Variants in GRIK2 observed in about 807,000 individuals in gnomAD.
GRIK2 encodes the protein glutamate ionotropic receptor kainate type subunit 2.
A neutral mutation model predicts 100.3 loss-of-function variants in GRIK2; 32 were observed. The ratio of observed to expected loss-of-function variants is 0.32; its 90% CI spans 0.24 to 0.43. GRIK2 has a LOEUF of 0.43. Ranked by LOEUF, GRIK2 falls within the 20% of genes least tolerant of loss-of-function variation. The probability of loss-of-function intolerance (pLI) is 1.00; values close to 1 mark genes in which losing one functional copy is unlikely to be tolerated. For synonymous variants in GRIK2, 417 were observed against 389.4 expected, an observed-to-expected ratio of 1.07 and a Z score of -0.83; for missense variants, 843 against 1,114.9, an observed-to-expected ratio of 0.76 and a Z score of 3.47.
intron 2 of GRIK2, among the ~76,000 whole-genome samples, chr6:101,585,716 G>A (rs1778326293): frequency 6.6e-6 from 1 of 151,992 alleles, no homozygotes; most frequent in Non-Finnish European, 1.5e-5. Flanking sequence ...GGTGGAAAAA[G>A]GTGACACATT....
At chr6:101,989,143 T>C (rs1055234206) in intron 14 of GRIK2, among the ~76,000 whole-genome samples, 7 of 152,076 alleles carry the variant, frequency 4.6e-5, no homozygotes, top group African/African-American at 1.7e-4. Context: ...TTCCATGATA[T>C]GTTTTGTTGT....
chr6:101,596,647 T>G (rs1480937893), intron 2 of GRIK2, among the ~76,000 whole-genome samples: 1 of 151,670 alleles, frequency 6.6e-6, no homozygotes, highest in African/African-American at 2.4e-5. Flanking sequence ...CCTCATTTAC[T>G]TTTGACTACT....
intron 2 of GRIK2, among the ~76,000 whole-genome samples, chr6:101,426,287 T>TAAGA (rs1479183612): frequency 1.3e-5 from 2 of 152,188 alleles, no homozygotes; most frequent in Non-Finnish European, 2.9e-5. Context: ...CTCTGTTGTG[T>TAAGA]AAGATGAGTA....
intron 14 of GRIK2, among the ~76,000 whole-genome samples, chr6:101,956,806 TAA>T (rs1456638953): frequency 6.8e-6 from 1 of 147,840 alleles, no homozygotes; most frequent in Non-Finnish European, 1.5e-5. Context: ...TATATATCAA[TAA>T]AAATTATACA....
chr6:101,914,086 C>T (rs898071974), intron 12 of GRIK2, among the ~76,000 whole-genome samples: 1 of 150,742 alleles, frequency 6.6e-6, no homozygotes, highest in African/African-American at 2.4e-5. Flanking sequence ...AATTAGAGCC[C>T]ACCAAAAATT....
chr6:101,787,085 A>C lies in GRIK2; in HGVS notation c.952-12563A>C, dbSNP rs77186267. 9.9e-3 allele frequency among the ~76,000 whole-genome samples: 1,502 copies of C among 151,736 alleles called. 10 individuals carry two copies. The highest frequency in any genetic ancestry group is 0.02 in the Middle Eastern group (6 of 294). On this transcript the variant is annotated intron_variant, in intron 7 of 16. Transcript: ENST00000369134. ...TCTAAAAATTTATCCATTTCCTATA[A>C]ATTTTTGAGTTTGTTAGTACATAGT... is the stretch of plus-strand genomic sequence containing the variant.
At chr6:101,743,787 A>G (rs1448964435) in intron 7 of GRIK2, among the ~76,000 whole-genome samples, 1 of 152,198 alleles carries the variant, frequency 6.6e-6, no homozygotes, top group East Asian at 1.9e-4. Context: ...TTAGGTAGCC[A>G]TTATATTTGC....
chr6:102,001,642 T>C (rs1338443717), intron 14 of GRIK2, among the ~76,000 whole-genome samples: 1 of 152,116 alleles, frequency 6.6e-6, no homozygotes, highest in Admixed American at 6.6e-5. Flanking sequence ...GTCTTTGCCA[T>C]TGAATACTTA....
chr6:102,058,858 A>G (rs1771602318), intron 16 of GRIK2, among the ~76,000 whole-genome samples: 1 of 151,446 alleles, frequency 6.6e-6, no homozygotes, highest in South Asian at 2.1e-4. Flanking sequence ...TGGTGACTAA[A>G]TAGTTTGTCA....
intron 12 of GRIK2, among the ~76,000 whole-genome samples, chr6:101,901,860 C>T (rs917558752): frequency 6.6e-6 from 1 of 151,804 alleles, no homozygotes; most frequent in African/African-American, 2.4e-5. Context: ...TTTCACTAAG[C>T]CTTTCAAATT....
intron 11 of GRIK2, among the ~76,000 whole-genome samples, chr6:101,868,935 A>G (rs1180084216): frequency 2.6e-5 from 4 of 151,944 alleles, no homozygotes; most frequent in Non-Finnish European, 5.9e-5. Context: ...CATTAAATAC[A>G]TTTTATATAC....
At chr6:101,702,062 A>AGAAAAGGTCGGTAGTAT (rs6149725) in intron 7 of GRIK2, among the ~76,000 whole-genome samples, 4 of 151,720 alleles carry the variant, frequency 2.6e-5, no homozygotes, top group African/African-American at 9.7e-5. Flanking sequence ...TGGTATTCTT[A>AGAAAAGGTCGGTAGTAT]TTTTTCTATA....
At chr6:101,847,672 C>G (rs1028663589) in intron 10 of GRIK2, among the ~76,000 whole-genome samples, 3 of 152,056 alleles carry the variant, frequency 2.0e-5, no homozygotes, top group African/African-American at 4.8e-5. Flanking sequence ...ACAATTCTGC[C>G]CTATTCTTCC....
intron 14 of GRIK2, among the ~76,000 whole-genome samples, chr6:101,949,125 C>T (rs1191729540): frequency 6.6e-6 from 1 of 151,788 alleles, no homozygotes; most frequent in Non-Finnish European, 1.5e-5. Context: ...TATCTTGTCT[C>T]ATCATTTCTT....
intron 11 of GRIK2, among the ~76,000 whole-genome samples, chr6:101,886,752 T>A (rs895129372): frequency 6.6e-6 from 1 of 151,422 alleles, no homozygotes; most frequent in East Asian, 2.0e-4. Context: ...TTGACCAGCA[T>A]CTTGACAACC....
intron 14 of GRIK2, among the ~76,000 whole-genome samples, chr6:101,973,132 C>T (rs1793160561): frequency 6.6e-6 from 1 of 151,768 alleles, no homozygotes; most frequent in East Asian, 1.9e-4. Flanking sequence ...GAAATATGAC[C>T]TATCTCTCAG....
chr6:101,794,042 C>T (rs1195294054), intron 7 of GRIK2, among the ~76,000 whole-genome samples: 1 of 152,168 alleles, frequency 6.6e-6, no homozygotes, highest in East Asian at 1.9e-4. Flanking sequence ...TCCTGGTGCG[C>T]CATTTCCTAA....
intron 2 of GRIK2, among the ~76,000 whole-genome samples, chr6:101,427,413 C>A (rs1225733837): frequency 1.3e-5 from 2 of 152,004 alleles, no homozygotes; most frequent in Non-Finnish European, 2.9e-5. Context: ...TAACTTTATC[C>A]ACGAATATAT....
chr6:101,436,186 TTAAA>T (rs1769702702), intron 2 of GRIK2, among the ~76,000 whole-genome samples: 1 of 152,110 alleles, frequency 6.6e-6, no homozygotes, highest in African/African-American at 2.4e-5. Flanking sequence ...GTGTATATAC[TTAAA>T]TATTAATATA....
Sources: gnomAD v4.1 joint callset for allele counts (sites outside exome capture counted in the v4.1 genomes callset) on GRCh38, gnomAD v4.1.1 for gene constraint, MANE v1.5 for transcripts, NCBI Gene and HGNC (gene_info 2026-07-23, HGNC 2026-07-21) for gene names.